Variants in ZSCAN5C observed in about 807,000 individuals in gnomAD.
The protein encoded by ZSCAN5C is zinc finger and SCAN domain-containing protein 5C.
ZSCAN5C carries 11 observed loss-of-function variants against 17.3 expected under a neutral mutation model. The ratio of observed to expected loss-of-function variants is 0.64; its 90% CI spans 0.40 to 1.06. ZSCAN5C has a LOEUF of 1.06. ZSCAN5C is among the 50% of genes least tolerant of loss of function. The pLI is 0.00. For missense variants in ZSCAN5C, 698 were observed against 538.9 expected, an observed-to-expected ratio of 1.30 and a Z score of -2.92; for synonymous variants, 229 against 208.4, an observed-to-expected ratio of 1.10 and a Z score of -0.85.
chr19:56,206,889 A>C (rs1347104159), intron 2 of ZSCAN5C, among the ~76,000 whole-genome samples, 170 bp from the exon 3 acceptor site: 1 of 151,932 alleles, frequency 6.6e-6, no homozygotes, highest in East Asian at 1.9e-4. Context: ...ACTCATATTT[A>C]TATACTTATC....
In ZSCAN5C at chr19:56,205,830, G is replaced by A. The variant is rs1440955573; in HGVS notation, c.-84G>A. The A allele has an allele frequency of 3.2e-6, 2 of 632,646 alleles. No homozygotes were observed. Among genetic ancestry groups the A allele is most frequent in the Non-Finnish European group, 5.6e-6 (2 of 356,518 alleles). The allele number at this position is 632,646 out of a possible 1,614,324, so 39.2% of individuals were successfully genotyped here. ...AATCTATTACTGAGAAAAACCAGGG[G>A]TGGCCTGTGTATATAGGTCGCAATT... is the stretch of plus-strand genomic sequence containing the variant. On this transcript the variant is annotated 5_prime_UTR_variant, in exon 2 of 5. It adds an upstream start codon to the 5' untranslated region. Transcript: ENST00000534327.
At chr19:56,208,223 T>A in intron 4 of ZSCAN5C, 39 bp downstream of exon 4, 1 of 749,966 alleles carries the variant, frequency 1.3e-6, no homozygotes, top group African/African-American at 1.7e-5. Context: ...AGATAGCCCC[T>A]CTCTTCTGGG....
In ZSCAN5C at chr19:56,208,582, T is replaced by C. The variant is rs775149162; in HGVS notation, c.873T>C (p.Ala291=). The C allele has an allele frequency of 1.3e-4, 202 of 1,595,792 alleles. 1 individual carries two copies. The highest frequency in any genetic ancestry group is 9.9e-5 in the Non-Finnish European group (115 of 1,164,254). ...CTCACAGCGGGAGCAGAGGAGACGC[T>C]CTGAATCTGAGAGGTCTCAAAAGAA... Residue 291 remains alanine (A), a synonymous_variant, in exon 5 of 5, where the codon GCT becomes GCC. Transcript: ENST00000534327.
rs1202226153 is a variant in ZSCAN5C, at chr19:56,208,767, TGCTGCCCTTTGCA to T, written c.1059_1071del (p.Leu354ValfsTer14). On this transcript the variant is annotated frameshift_variant, in exon 5 of 5. Transcript: ENST00000534327. LOFTEE classifies it low-confidence loss of function (END_TRUNC). ...CCCAGTGGCCAAGAAGTCAAGGAAC[TGCTGCCCTTTGCA>T]TGTGAGGTGTGCGGCAAGAGGTTTA... 2.5e-6 allele frequency: 4 copies of T among 1,599,988 alleles called. No homozygotes were observed. The Admixed American group carries it at 6.7e-5, about 27-fold the overall frequency.
chr19:56,205,828 G>T, exon 2 of ZSCAN5C: 1 of 629,780 alleles, frequency 1.6e-6, no homozygotes, highest in East Asian at 2.6e-5. Flanking sequence ...GAAAAACCAG[G>T]GGTGGCCTGT....
Position 56,205,817 on chromosome 19 carries a change from AG to A in ZSCAN5C, c.-96del. The A allele has an allele frequency of 1.6e-6, 1 of 614,266 alleles. No individual in the cohort carries two copies. Among genetic ancestry groups the A allele is most frequent in the Non-Finnish European group, 2.9e-6 (1 of 345,772 alleles). 38.1% of individuals were successfully genotyped at this position (614,266 alleles called of 1,614,324 possible). On this transcript the variant is annotated 5_prime_UTR_variant, in exon 2 of 5. The change creates a premature stop within an existing upstream ORF in the 5' untranslated region. Transcript: ENST00000534327. ...TGAATGAACAGTGAATCTATTACTG[AG>A]AAAAACCAGGGGTGGCCTGTGTATA...
At chr19:56,202,989 G>T (rs13382079) in intron 1 of ZSCAN5C, among the ~76,000 whole-genome samples, 1 of 151,966 alleles carries the variant, frequency 6.6e-6, no homozygotes. Context: ...CCTGTGTGCT[G>T]TATACTCCCA....
chr19:56,207,369 G>A (rs1276563367), intron 3 of ZSCAN5C, 107 bp downstream of exon 3: 1 of 607,472 alleles, frequency 1.6e-6, no homozygotes. Context: ...CAAGATTACA[G>A]CCATTCCCCA....
At chr19:56,205,077 G>A (rs1340090461) in intron 1 of ZSCAN5C, among the ~76,000 whole-genome samples, 1 of 151,768 alleles carries the variant, frequency 6.6e-6, no homozygotes, top group East Asian at 1.9e-4. Context: ...GGGCTGGGGT[G>A]GGTGGGCAGG....
chr19:56,207,983 C>A, intron 3 of ZSCAN5C, 51 bp from the exon 4 acceptor site: 1 of 682,604 alleles, frequency 1.5e-6, no homozygotes, highest in Admixed American at 2.1e-5. Flanking sequence ...CAGACATGTC[C>A]TTCCACCGGT....
chr19:56,209,057 A>G, exon 5 of ZSCAN5C: 1 of 1,607,882 alleles, frequency 6.2e-7, no homozygotes, highest in Non-Finnish European at 8.5e-7. Context: ...GAAAGTTTTC[A>G]CCTACAAGGC....
At chr19:56,205,743 T>A in intron 1 of ZSCAN5C, 44 bp from the exon 2 acceptor site, 3 of 571,388 alleles carry the variant, frequency 5.3e-6, no homozygotes, top group Non-Finnish European at 9.3e-6. Flanking sequence ...ATGGGGTGGG[T>A]AGAGTAGAAA....
rs750065547 is a variant in ZSCAN5C at position 56,208,614 on chromosome 19, C to T, written c.905C>T (p.Pro302Leu). ...CTGAGAGGTCTCAAAAGAAGCAAAC[C>T]AGACGCCACCTCCATTTCCCAAGAA... Residue 302 changes from proline to leucine, a missense_variant, in exon 5 of 5, where the codon CCA (proline) becomes CTA (leucine). Physicochemically the swap from Pro to Leu is moderately conservative, Grantham distance 98. Coordinates refer to ENST00000534327, the Ensembl canonical transcript of ZSCAN5C. 4.4e-6 allele frequency: 7 copies of T among 1,606,474 alleles called. No homozygotes were observed. In the East Asian group the frequency reaches 8.9e-5, roughly 20 times the overall value.
At chr19:56,208,232 G>C in intron 4 of ZSCAN5C, 48 bp downstream of exon 4, 1 of 727,932 alleles carries the variant, frequency 1.4e-6, no homozygotes. Flanking sequence ...CTCTCTTCTG[G>C]GGTGTGGGGC....
At chr19:56,206,994 C>G (rs1361212072) in intron 2 of ZSCAN5C, 65 bp from the exon 3 acceptor site, 1 of 667,042 alleles carries the variant, frequency 1.5e-6, no homozygotes. Context: ...TGGCAGGACC[C>G]AGGGAATATG....
Position 56,207,869 on chromosome 19 carries a change from A to G in ZSCAN5C, c.589-165A>G, listed in dbSNP as rs947168620. Among the ~76,000 whole-genome samples, 11 of 152,000 alleles carry G rather than the reference A, an allele frequency of 7.2e-5. 1 individual carries two copies. The highest frequency in any genetic ancestry group is 6.2e-4 in the South Asian group (3 of 4,828). On this transcript the variant is annotated intron_variant, in intron 3 of 4. Coordinates refer to ENST00000534327, the Ensembl canonical transcript of ZSCAN5C. ...CATGCTCCTTCCAGCGTCAGGGGCA[A>G]GGAGATGCTGGCACAGCGGGGAGAA...
chr19:56,202,758 A>G (rs2032884898), intron 1 of ZSCAN5C, among the ~76,000 whole-genome samples: 1 of 151,908 alleles, frequency 6.6e-6, no homozygotes, highest in Admixed American at 6.5e-5. Flanking sequence ...GTCTCAGTAC[A>G]TTGCCCAGGC....
exon 5 of ZSCAN5C, chr19:56,208,988 T>G: frequency 6.2e-7 from 1 of 1,613,422 alleles, no homozygotes; most frequent in Non-Finnish European, 8.5e-7. Context: ...GAAGTCCTAC[T>G]TGAAGTGTCA....
chr19:56,208,726 G>T, exon 5 of ZSCAN5C: 1 of 1,612,204 alleles, frequency 6.2e-7, no homozygotes, highest in Non-Finnish European at 8.5e-7. Flanking sequence ...CAGGCCCTGC[G>T]GGCCCAGTCA....
Sources: gnomAD v4.1 joint callset for allele counts (sites outside exome capture counted in the v4.1 genomes callset) on GRCh38, gnomAD v4.1.1 for gene constraint, MANE v1.5 for transcripts, NCBI Gene and HGNC (gene_info 2026-07-23, HGNC 2026-07-21) for gene names.